Variants in NHS observed in about 807,000 individuals in gnomAD.
The protein encoded by NHS is actin remodeling regulator NHS.
A neutral mutation model predicts 72.5 loss-of-function variants in NHS; 5 were observed. The ratio of observed to expected loss-of-function variants is 0.07; its 90% confidence interval spans 0.04 to 0.14. The LOEUF (loss-of-function observed/expected upper bound fraction) is 0.14. NHS is among the 10% of genes least tolerant of loss of function. NHS has a pLI of 1.00. For synonymous variants in NHS, 464 were observed against 547.7 expected, an observed-to-expected ratio of 0.85 and a Z score of 2.13; for missense variants, 1,072 against 1,355.7, an observed-to-expected ratio of 0.79 and a Z score of 3.29.
chrX:17,483,262 C>T (rs765526003), intron 1 of NHS, among the ~76,000 whole-genome samples: 1 of 111,691 alleles, frequency 9.0e-6, no homozygotes, highest in South Asian at 3.7e-4. Flanking sequence ...TTAAAAAATT[C>T]CAATATTATA....
intron 1 of NHS, among the ~76,000 whole-genome samples, chrX:17,434,750 A>G (rs2064713456): frequency 1.8e-5 from 2 of 111,338 alleles, no homozygotes; most frequent in South Asian, 7.6e-4. Flanking sequence ...GCCTCAAACA[A>G]TTTTTTATTA....
Position 17,659,587 on chromosome X carries a change from C to A in NHS, c.566-28155C>A, listed in dbSNP as rs1400848247. ...TACCATGCTATGTTGACCCTGGCATCTTATGAAAACAGTTATATAGGATAT... is the reference window on the plus strand; with the variant it reads ...TACCATGCTATGTTGACCCTGGCATATTATGAAAACAGTTATATAGGATAT... On this transcript the variant is annotated intron_variant, in intron 1 of 8. Transcript: ENST00000676302. Among the ~76,000 whole-genome samples, 17 of 112,012 alleles carry A rather than the reference C, an allele frequency of 1.5e-4. No individual in the cohort carries two copies. In the Admixed American group the frequency reaches 1.6e-3, roughly 11 times the overall value.
At chrX:17,550,766 T>C (rs752316948) in intron 1 of NHS, among the ~76,000 whole-genome samples, 3 of 111,496 alleles carry the variant, frequency 2.7e-5, no homozygotes, top group Non-Finnish European at 3.8e-5. Flanking sequence ...TTAAAAGAGG[T>C]CATATCACGT....
At chrX:17,710,402 CTT>C (rs2066323202) in intron 3 of NHS, among the ~76,000 whole-genome samples, 1 of 112,295 alleles carries the variant, frequency 8.9e-6, no homozygotes, top group African/African-American at 3.2e-5. Flanking sequence ...ATGCCTGAGA[CTT>C]TTTTCACTGT....
chrX:17,591,849 G>T (rs1239037449), intron 1 of NHS, among the ~76,000 whole-genome samples: 2 of 111,798 alleles, frequency 1.8e-5, no homozygotes, highest in African/African-American at 6.5e-5. Context: ...TGAGAATATT[G>T]TCCAGCAGGC....
At chrX:17,522,000 G>A (rs2065150742) in intron 1 of NHS, among the ~76,000 whole-genome samples, 1 of 112,032 alleles carries the variant, frequency 8.9e-6, no homozygotes, top group Admixed American at 9.4e-5. Context: ...GAAGCAGCCC[G>A]CATGCTCAGC....
intron 1 of NHS, among the ~76,000 whole-genome samples, chrX:17,421,343 G>A (rs1047591828): frequency 5.5e-5 from 6 of 109,135 alleles, no homozygotes; most frequent in African/African-American, 1.7e-4. Flanking sequence ...GAAATAAGTT[G>A]GTGTGTTCTT....
intron 1 of NHS, among the ~76,000 whole-genome samples, chrX:17,619,539 C>T (rs933217705): frequency 2.7e-4 from 30 of 112,028 alleles, no homozygotes; most frequent in Non-Finnish European, 3.9e-4. Flanking sequence ...AACAGTAGGT[C>T]GTGAAAATGC....
At chrX:17,519,395 A>G (rs2065136465) in intron 1 of NHS, among the ~76,000 whole-genome samples, 1 of 112,368 alleles carries the variant, frequency 8.9e-6, no homozygotes, top group Non-Finnish European at 1.9e-5. Flanking sequence ...CAAAAAGTAA[A>G]AAAGAAAGAA....
Position 17,687,692 on chromosome X carries a change from AG to A in NHS, c.566-49del, listed in dbSNP as rs745877435. The A allele has an allele frequency of 1.5e-5, 18 of 1,194,839 alleles. 1 individual carries two copies. Among genetic ancestry groups the A allele is most frequent in the East Asian group, 1.2e-4 (4 of 33,318 alleles). ...CTTCCCCACCCCAGGGTTGGCCAAAAGCACAACTTAAAGCCACTGATGGACA... is the reference window on the plus strand; with the variant it reads ...CTTCCCCACCCCAGGGTTGGCCAAAACACAACTTAAAGCCACTGATGGACA... On this transcript the variant is annotated intron_variant, in intron 1 of 8. Transcript: ENST00000676302.
At chrX:17,519,410 A>T (rs1160920783) in intron 1 of NHS, among the ~76,000 whole-genome samples, 1 of 112,294 alleles carries the variant, frequency 8.9e-6, no homozygotes, top group Admixed American at 9.4e-5. Flanking sequence ...AAAGAAATGT[A>T]ACAATTTTGA....
At chrX:17,555,884 A>G (rs1251060634) in intron 1 of NHS, among the ~76,000 whole-genome samples, 7 of 36,335 alleles carry the variant, frequency 1.9e-4, no homozygotes, top group African/African-American at 6.8e-4. Context: ...TCTCTGGAGG[A>G]ACAGGAACAA....
intron 1 of NHS, among the ~76,000 whole-genome samples, chrX:17,405,985 C>G (rs2064527523): frequency 8.9e-6 from 1 of 112,252 alleles, no homozygotes; most frequent in Non-Finnish European, 1.9e-5. Flanking sequence ...TAGGCAGAAG[C>G]AAGAGAACCA....
At chrX:17,689,119 A>G (rs2066180961) in intron 2 of NHS, among the ~76,000 whole-genome samples, 1 of 112,560 alleles carries the variant, frequency 8.9e-6, no homozygotes, top group Non-Finnish European at 1.9e-5. Flanking sequence ...CATCTTATTT[A>G]TTCCACATTT....
chrX:17,411,839 T>C (rs1385978064), intron 1 of NHS, among the ~76,000 whole-genome samples: 1 of 111,983 alleles, frequency 8.9e-6, no homozygotes, highest in African/African-American at 3.2e-5. Flanking sequence ...CAGCTTTTTC[T>C]CCATGAGCAA....
intron 1 of NHS, 143 bp downstream of exon 1, chrX:17,376,465 C>A: frequency 1.8e-6 from 1 of 562,121 alleles, no homozygotes; most frequent in Non-Finnish European, 2.9e-6. Context: ...CCACCCTTCC[C>A]ATCCCCTGGG....
At chrX:17,640,735 G>C (rs2065876787) in intron 1 of NHS, among the ~76,000 whole-genome samples, 1 of 112,533 alleles carries the variant, frequency 8.9e-6, no homozygotes, top group Non-Finnish European at 1.9e-5. Flanking sequence ...TTCCATCTAA[G>C]TTTTTATCCC....
chrX:17,701,343 A>G (rs2066262099), intron 3 of NHS, among the ~76,000 whole-genome samples: 2 of 111,766 alleles, frequency 1.8e-5, no homozygotes, highest in African/African-American at 6.5e-5. Flanking sequence ...ATCCCTAAAA[A>G]TCTCCACACT....
At chrX:17,377,246 C>G (rs1485429733) in intron 1 of NHS, among the ~76,000 whole-genome samples, 1 of 112,708 alleles carries the variant, frequency 8.9e-6, no homozygotes, top group African/African-American at 3.2e-5. Flanking sequence ...GGCGTCTTTG[C>G]TGTCCGTTGA....
Sources: allele counts gnomAD v4.1 joint callset (sites outside exome capture counted in the v4.1 genomes callset), GRCh38; gene constraint gnomAD v4.1.1; transcripts MANE v1.5; gene names NCBI Gene and HGNC (gene_info 2026-07-23, HGNC 2026-07-21).